Variants in DCC observed in about 807,000 individuals in gnomAD.
The protein encoded by DCC is netrin receptor DCC.
DCC carries 58 observed loss-of-function variants against 172.5 expected under a neutral mutation model. That is an observed-to-expected ratio of 0.34 (90% CI 0.27 to 0.42). The LOEUF (loss-of-function observed/expected upper bound fraction) is 0.42, where lower values mean the gene tolerates loss of function less well. Ranked by LOEUF, DCC falls within the 10% of genes least tolerant of loss-of-function variation. The probability of loss-of-function intolerance (pLI) is 1.00; values close to 1 mark genes in which losing one functional copy is unlikely to be tolerated. For synonymous variants in DCC, 709 were observed against 644.5 expected (o/e 1.10, Z -1.52); for missense variants, 1,740 against 1,791.0 (o/e 0.97, Z 0.51).
At position 52,649,145 on chromosome 18, in the gene DCC, G is replaced by A. The variant is rs1002786568; in HGVS notation, c.92-102909G>A. On this transcript the variant is annotated intron_variant, in intron 1 of 28. Transcript: ENST00000442544. The stretch of plus-strand genomic sequence containing the variant: ...TCCCAGCATTTTGGGAGGCTGAGGC[G>A]GGTGGATCATGAGGTCAGGAGATCG... Among the ~76,000 whole-genome samples, 17 of 152,204 alleles carry A rather than the reference G, an allele frequency of 1.1e-4. No homozygotes were observed. The East Asian group carries it at 2.7e-3, about 24-fold the overall frequency.
chr18:53,492,612 T>C lies in DCC; in HGVS notation c.3898+5654T>C, dbSNP rs534429822. ...GTCAGGTTTGTCAAAGATCAGATGG[T>C]TGTAGATGTGTGGTATTATTTCTGA... On this transcript the variant is annotated intron_variant, in intron 26 of 28. Coordinates refer to ENST00000442544, the MANE Select transcript of DCC (RefSeq NM_005215.4). Among the ~76,000 whole-genome samples, 90 of 152,258 alleles carry C rather than the reference T, an allele frequency of 5.9e-4. 6 individuals are homozygous for C. The South Asian group carries it at 0.018, about 31-fold the overall frequency.
intron 1 of DCC, among the ~76,000 whole-genome samples, chr18:52,672,319 T>C (rs1201611282): frequency 6.6e-6 from 1 of 152,202 alleles, no homozygotes; most frequent in Non-Finnish European, 1.5e-5. Flanking sequence ...TTACAAGCTA[T>C]TCACTATAAG....
At chr18:52,934,316 C>A (rs865999592) in intron 5 of DCC, among the ~76,000 whole-genome samples, 1 of 151,884 alleles carries the variant, frequency 6.6e-6, no homozygotes, top group Non-Finnish European at 1.5e-5. Context: ...ACATAGACAT[C>A]CCTCTGTGGG....
chr18:52,653,031 G>A (rs1362795563), intron 1 of DCC, among the ~76,000 whole-genome samples: 1 of 152,084 alleles, frequency 6.6e-6, no homozygotes, highest in Non-Finnish European at 1.5e-5. Context: ...ATATTTTACT[G>A]TCTTTGAACA....
intron 3 of DCC, among the ~76,000 whole-genome samples, chr18:52,922,816 C>A (rs1161891244): frequency 1.3e-5 from 2 of 152,104 alleles, no homozygotes; most frequent in Non-Finnish European, 2.9e-5. Flanking sequence ...AATAGAAGCT[C>A]TTAACTGTCC....
intron 1 of DCC, among the ~76,000 whole-genome samples, chr18:52,749,887 TTTC>T (rs1320241144): frequency 1.3e-5 from 2 of 152,208 alleles, no homozygotes; most frequent in African/African-American, 2.4e-5. Context: ...TTCAAATTTA[TTTC>T]TTCTTTATTA....
chr18:52,759,155 A>G lies in DCC; in HGVS notation c.412+6781A>G, dbSNP rs368763122. On this transcript the variant is annotated intron_variant, in intron 2 of 28. Coordinates refer to ENST00000442544, the MANE Select transcript of DCC (RefSeq NM_005215.4). ...TTTTATTGCTAAATCAAATTGAGAT[A>G]CAGCCATCACCAATATTTCCCCAAC... 4 of 152,294 alleles carry G rather than the reference A, an allele frequency of 2.6e-5. No individual in the cohort carries two copies. The East Asian group carries it at 7.7e-4, about 29-fold the overall frequency. The allele number at this position is 152,294 out of a possible 1,614,324, so 9.4% of individuals were successfully genotyped here.
In DCC at chr18:53,530,149, A is replaced by G. The variant is rs1052811231; in HGVS notation, c.4255-415A>G. On this transcript the variant is annotated intron_variant, in intron 28 of 28. Transcript: ENST00000442544. ...ATGTATTGAATATCTACCATATGCC[A>G]GACCCTATCATGGGTACTAAACATG... 3 of 602,494 alleles carry G rather than the reference A, an allele frequency of 5.0e-6. No homozygotes were observed. In the African/African-American group the frequency reaches 5.6e-5, roughly 11 times the overall value. The allele number at this position is 602,494 out of a possible 1,614,324, so 37.3% of individuals were successfully genotyped here. A position where few individuals can be genotyped will look rare whatever the true frequency, so the allele number is the denominator to read the frequency against.
At chr18:52,622,317 C>T (rs1387441738) in intron 1 of DCC, among the ~76,000 whole-genome samples, 2 of 152,136 alleles carry the variant, frequency 1.3e-5, no homozygotes, top group African/African-American at 2.4e-5. Flanking sequence ...TAGAAGAGTA[C>T]ATTGTTCTAC....
At chr18:53,492,684 T>C (rs571878107) in intron 26 of DCC, among the ~76,000 whole-genome samples, 5 of 152,320 alleles carry the variant, frequency 3.3e-5, no homozygotes, top group African/African-American at 1.2e-4. Flanking sequence ...TTGGTACCAG[T>C]ACCATGCTGT....
At chr18:52,720,082 C>T (rs541712719) in intron 1 of DCC, among the ~76,000 whole-genome samples, 3 of 152,182 alleles carry the variant, frequency 2.0e-5, no homozygotes, top group South Asian at 2.1e-4. Context: ...AGGTATGATA[C>T]GGTGGCGCAG....
At chr18:53,072,430 T>C (rs2144109878) in intron 7 of DCC, among the ~76,000 whole-genome samples, 1 of 152,248 alleles carries the variant, frequency 6.6e-6, no homozygotes, top group Non-Finnish European at 1.5e-5. Flanking sequence ...ATCTCTGAGT[T>C]TCTTATCCTG....
At chr18:52,644,395 G>A (rs1365650193) in intron 1 of DCC, among the ~76,000 whole-genome samples, 15 of 152,038 alleles carry the variant, frequency 9.9e-5, no homozygotes, top group African/African-American at 3.1e-4. Flanking sequence ...TGGCTAACAC[G>A]GTGAAACCCC....
At chr18:52,856,143 C>T (rs1422929592) in intron 2 of DCC, among the ~76,000 whole-genome samples, 1 of 152,048 alleles carries the variant, frequency 6.6e-6, no homozygotes, top group Non-Finnish European at 1.5e-5. Flanking sequence ...AACACAACTC[C>T]TTGTTTAAAT....
chr18:52,787,685 G>A (rs2037685385), intron 2 of DCC, among the ~76,000 whole-genome samples: 3 of 151,970 alleles, frequency 2.0e-5, no homozygotes, highest in African/African-American at 2.4e-5. Flanking sequence ...CCCAGCTCAG[G>A]GAAGATAATT....
At chr18:53,406,352 T>G (rs1049718415) in intron 19 of DCC, among the ~76,000 whole-genome samples, 1 of 152,048 alleles carries the variant, frequency 6.6e-6, no homozygotes, top group African/African-American at 2.4e-5. Flanking sequence ...TTTATTCCCT[T>G]TGTTACTTTC....
chr18:53,138,571 G>A (rs1395156166), intron 7 of DCC, among the ~76,000 whole-genome samples: 1 of 152,268 alleles, frequency 6.6e-6, no homozygotes, highest in Admixed American at 6.5e-5. Flanking sequence ...ATTTATGCCA[G>A]CAAATTAGCA....
At chr18:52,812,574 T>TA (rs1323233938) in intron 2 of DCC, among the ~76,000 whole-genome samples, 3 of 152,176 alleles carry the variant, frequency 2.0e-5, no homozygotes, top group Non-Finnish European at 2.9e-5. Context: ...TATTTAATCT[T>TA]AAAAAACATA....
At chr18:53,081,248 G>A (rs775726303) in intron 7 of DCC, among the ~76,000 whole-genome samples, 1 of 151,890 alleles carries the variant, frequency 6.6e-6, no homozygotes, top group African/African-American at 2.4e-5. Flanking sequence ...TATGTAATGA[G>A]TTCACAAATT....
Sources: allele counts gnomAD v4.1 joint callset (sites outside exome capture counted in the v4.1 genomes callset), GRCh38; gene constraint gnomAD v4.1.1; transcripts MANE v1.5; gene names NCBI Gene and HGNC (gene_info 2026-07-23, HGNC 2026-07-21).